Variants in TMCC1 observed in about 807,000 individuals in gnomAD.
TMCC1 encodes transmembrane and coiled-coil domain family 1, also known as transmembrane and coiled-coil domains protein 1.
A neutral mutation model predicts 52.4 loss-of-function variants in TMCC1; 15 were observed. The ratio of observed to expected loss-of-function variants is 0.29; its 90% CI spans 0.19 to 0.44. TMCC1 has a LOEUF of 0.44. Among genes scored for constraint, TMCC1 ranks in the 20% least tolerant of loss-of-function variants. The pLI, the probability that TMCC1 is intolerant of heterozygous loss-of-function variation, is 1.00. For missense variants in TMCC1, 503 were observed against 806.0 expected (o/e 0.62, Z 4.55); for synonymous variants, 279 against 301.9 (o/e 0.92, Z 0.79).
intron 4 of TMCC1, among the ~76,000 whole-genome samples, chr3:129,697,264 C>T (rs2047480516): frequency 6.6e-6 from 1 of 152,178 alleles, no homozygotes; most frequent in South Asian, 2.1e-4. Context: ...TTTTGTGTAC[C>T]TACAGGCTCA....
intron 2 of TMCC1, among the ~76,000 whole-genome samples, chr3:129,850,301 T>C (rs113634486): frequency 2.6e-5 from 4 of 152,366 alleles, no homozygotes; most frequent in African/African-American, 9.6e-5. Context: ...TTCTCTATGC[T>C]TTCCTGAAAC....
intron 5 of TMCC1, among the ~76,000 whole-genome samples, chr3:129,658,524 T>G (rs764310930): frequency 4.6e-5 from 7 of 152,240 alleles, no homozygotes; most frequent in Non-Finnish European, 8.8e-5. Flanking sequence ...GACTGGGGCC[T>G]GAGATATTCT....
rs1277305226 is a variant in TMCC1 at position 129,705,605 on chromosome 3, CTTTTTTT to C, written c.577-34348_577-34342del. Among the ~76,000 whole-genome samples the C allele has an allele frequency of 3.6e-5, 5 of 138,850 alleles. No individual in the cohort carries two copies. The South Asian group carries it at 9.2e-4, about 25-fold the overall frequency. The allele number at this position is 138,850 out of a possible 152,430, so 91.1% of individuals were successfully genotyped here. ...CTTTATACTTAACCTATTTGAAACA[CTTTTTTT>C]TTTTTTTTTTTGAGATGGAGTCTTG... On this transcript the variant is annotated intron_variant, in intron 4 of 6. Transcript: ENST00000393238.
intron 5 of TMCC1, 69 bp downstream of exon 5, chr3:129,670,261 A>G: frequency 6.7e-7 from 1 of 1,491,056 alleles, no homozygotes. Context: ...TTTAAAAGCC[A>G]TTTCCCCATA....
rs143918942 is a variant in TMCC1 at position 129,797,614 on chromosome 3, A to C, written c.576+30189T>G. On this transcript the variant is annotated intron_variant, in intron 4 of 6. Coordinates refer to ENST00000393238, the MANE Select transcript of TMCC1 (RefSeq NM_001017395.5). ...CAAAAAATTAGCTGGGCATGGTGGC[A>C]TGAGTAGGTGGTCCCAGCTACTCAG... Among the ~76,000 whole-genome samples, 259 of 152,068 alleles carry C rather than the reference A, an allele frequency of 1.7e-3. 1 individual carries two copies. Among genetic ancestry groups the C allele is most frequent in the Admixed American group, 2.7e-3 (41 of 15,266 alleles).
intron 2 of TMCC1, among the ~76,000 whole-genome samples, chr3:129,872,986 C>T (rs2061003482): frequency 1.3e-5 from 2 of 150,706 alleles, no homozygotes; most frequent in African/African-American, 2.4e-5. Context: ...GGCACAATCT[C>T]GGCTCACTGC....
chr3:129,662,106 A>C (rs926806817), intron 5 of TMCC1, among the ~76,000 whole-genome samples: 1 of 151,990 alleles, frequency 6.6e-6, no homozygotes, highest in Admixed American at 6.6e-5. Context: ...TAAACCTAGA[A>C]CTCTGCTTTA....
intron 4 of TMCC1, among the ~76,000 whole-genome samples, chr3:129,698,408 T>C (rs2047569277): frequency 1.3e-5 from 2 of 152,148 alleles, no homozygotes; most frequent in African/African-American, 4.8e-5. Context: ...ATGGGGATTA[T>C]GGGAACTACA....
chr3:129,892,198 G>A (rs1314324746), intron 1 of TMCC1, among the ~76,000 whole-genome samples: 1 of 152,140 alleles, frequency 6.6e-6, no homozygotes, highest in African/African-American at 2.4e-5. Context: ...CTATGCTGCT[G>A]ATCAGCAATC....
At chr3:129,821,810 A>T (rs2058437605) in intron 4 of TMCC1, among the ~76,000 whole-genome samples, 1 of 152,154 alleles carries the variant, frequency 6.6e-6, no homozygotes, top group South Asian at 2.1e-4. Context: ...CACACCTGTA[A>T]TCCCAGCACT....
intron 4 of TMCC1, among the ~76,000 whole-genome samples, chr3:129,789,329 T>A (rs2056281872): frequency 6.6e-6 from 1 of 152,202 alleles, no homozygotes; most frequent in South Asian, 2.1e-4. Flanking sequence ...ATAAGAGATC[T>A]CTATTTACTT....
chr3:129,718,866 G>A (rs1205988782), intron 4 of TMCC1, among the ~76,000 whole-genome samples: 1 of 151,960 alleles, frequency 6.6e-6, no homozygotes, highest in African/African-American at 2.4e-5. Context: ...TATTGATAAG[G>A]CTCTGGTCAG....
intron 4 of TMCC1, among the ~76,000 whole-genome samples, chr3:129,750,602 G>T (rs1366565277): frequency 8.3e-6 from 1 of 120,728 alleles, no homozygotes; most frequent in South Asian, 2.5e-4. Flanking sequence ...TTGAGACAGA[G>T]TCTTGTCTGT....
At chr3:129,799,693 T>C (rs1281675590) in intron 4 of TMCC1, among the ~76,000 whole-genome samples, 2 of 152,014 alleles carry the variant, frequency 1.3e-5, no homozygotes, top group Non-Finnish European at 2.9e-5. Flanking sequence ...GCACCTGTGG[T>C]CCCAGCTGCT....
intron 2 of TMCC1, among the ~76,000 whole-genome samples, chr3:129,836,714 A>C (rs1033571908): frequency 6.6e-5 from 10 of 152,232 alleles, no homozygotes; most frequent in Admixed American, 1.3e-4. Flanking sequence ...TAGGAAGATT[A>C]AACCAAAAAT....
chr3:129,774,222 A>G (rs1021555121), intron 4 of TMCC1, among the ~76,000 whole-genome samples: 5 of 152,210 alleles, frequency 3.3e-5, no homozygotes, highest in African/African-American at 1.2e-4. Context: ...GTCATGTGGA[A>G]AAGACTTATG....
At position 129,828,449 on chromosome 3, in the gene TMCC1, T is replaced by A; in HGVS notation, c.-71A>T. 1 of 1,459,792 alleles carries A rather than the reference T, an allele frequency of 6.9e-7. No homozygotes were observed. Among genetic ancestry groups the A allele is most frequent in the Non-Finnish European group, 9.4e-7 (1 of 1,069,130 alleles). The allele number at this position is 1,459,792 out of a possible 1,614,324, so 90.4% of individuals were successfully genotyped here. A position where few individuals can be genotyped will look rare whatever the true frequency, so the allele number is the denominator to read the frequency against. On this transcript the variant is annotated 5_prime_UTR_variant, in exon 4 of 7. Coordinates refer to ENST00000393238, the MANE Select transcript of TMCC1 (RefSeq NM_001017395.5). The surrounding 1 kb of genome is among the most constrained non-coding windows in gnomAD (Gnocchi z 4.1). The stretch of plus-strand genomic sequence containing the variant: ...AACACACCAAGAGTGTCAAATTAGG[T>A]AGGCATTTGCTTCAACAGTGACTAC...
At chr3:129,880,614 G>C (rs1217836086) in intron 1 of TMCC1, 55 bp from the exon 2 acceptor site, 2 of 152,134 alleles carry the variant, frequency 1.3e-5, no homozygotes, top group African/African-American at 4.8e-5. Flanking sequence ...GCAAATGACT[G>C]TCTGACAAGC....
Position 129,671,204 on chromosome 3 carries a change from C to T in TMCC1, c.637G>A (p.Asp213Asn), listed in dbSNP as rs747399032. The T allele has an allele frequency of 1.2e-5, 20 of 1,614,116 alleles. No individual in the cohort carries two copies. Among genetic ancestry groups the T allele is most frequent in the Admixed American group, 8.3e-5 (5 of 60,008 alleles). The change falls in exon 5 of 7, where the codon GAT becomes AAT. Residue 213 changes from aspartate (D) to asparagine (N), a missense_variant. By Grantham distance (23) the Asp-to-Asn change is conservative (BLOSUM62 1). Around this residue, in one of 7 missense-constraint regions of TMCC1, gnomAD observed 217 missense variants for 297.9 expected, o/e 0.73. Coordinates refer to ENST00000393238, the MANE Select transcript of TMCC1 (RefSeq NM_001017395.5). Reference sequence around the variant, plus strand: ...ACAGAGTCTGTGTGGATGCTGCCATCGGTACTGGAGGCCACTGCACTGGAT... The same window carrying T: ...ACAGAGTCTGTGTGGATGCTGCCATTGGTACTGGAGGCCACTGCACTGGAT... ...QTSSAVASST[D>N]GSIHTDSVDG...
Sources: gnomAD v4.1 joint callset for allele counts (sites outside exome capture counted in the v4.1 genomes callset) on GRCh38, gnomAD v4.1.1 for gene constraint, gnomAD v4.1.1 regional missense constraint, Gnocchi (gnomAD v3.1) non-coding constraint, MANE v1.5 for transcripts, NCBI Gene and HGNC (gene_info 2026-07-23, HGNC 2026-07-21) for gene names.